NRXN3: variants seen among roughly 807,000 people sequenced by gnomAD.
NRXN3 encodes the protein neurexin 3.
NRXN3 carries 32 observed loss-of-function variants against 137.6 expected under a neutral mutation model. That is an observed-to-expected ratio of 0.23 (90% CI 0.18 to 0.31). The LOEUF (loss-of-function observed/expected upper bound fraction) is 0.31. Among genes scored for constraint, NRXN3 ranks in the 10% least tolerant of loss-of-function variants. The pLI is 1.00. For synonymous variants in NRXN3, 798 were observed against 784.5 expected (o/e 1.02, Z -0.29); for missense variants, 1,574 against 2,062.5 (o/e 0.76, Z 4.59).
intron 14 of NRXN3, 109 bp from the exon 15 acceptor site, chr14:78,987,913 G>A (rs2099510362): frequency 4.0e-6 from 5 of 1,265,802 alleles, no homozygotes; most frequent in Non-Finnish European, 5.4e-6. Flanking sequence ...GTCTTCAAAT[G>A]TTTGGGGGCA....
At chr14:78,802,442 G>A (rs530171529) in intron 8 of NRXN3, among the ~76,000 whole-genome samples, 13 of 152,270 alleles carry the variant, frequency 8.5e-5, no homozygotes, top group Admixed American at 7.2e-4. Flanking sequence ...TAAATGACGA[G>A]TCAATGGGTG....
At chr14:79,653,808 C>G (rs2098489614) in intron 16 of NRXN3, among the ~76,000 whole-genome samples, 1 of 152,130 alleles carries the variant, frequency 6.6e-6, no homozygotes, top group Admixed American at 6.6e-5. Flanking sequence ...AGAGAGAACA[C>G]CCCCACACAC....
intron 15 of NRXN3, among the ~76,000 whole-genome samples, chr14:79,466,173 G>T (rs1393257311): frequency 3.3e-5 from 5 of 152,058 alleles, no homozygotes; most frequent in African/African-American, 1.2e-4. Context: ...TCATTATCCT[G>T]TGATGTTTTT....
At chr14:79,273,590 C>A (rs963193764) in intron 15 of NRXN3, among the ~76,000 whole-genome samples, 1 of 152,064 alleles carries the variant, frequency 6.6e-6, no homozygotes, top group Admixed American at 6.6e-5. Context: ...GCCAAGATCG[C>A]GCCACTGCAC....
chr14:78,434,299 G>T (rs1220221920), intron 4 of NRXN3, among the ~76,000 whole-genome samples: 1 of 152,118 alleles, frequency 6.6e-6, no homozygotes, highest in Non-Finnish European at 1.5e-5. Flanking sequence ...GGGTTGTGAG[G>T]GAGGGATCTG....
intron 4 of NRXN3, among the ~76,000 whole-genome samples, chr14:78,624,314 A>G (rs1444197120): frequency 6.6e-6 from 1 of 152,238 alleles, no homozygotes; most frequent in Non-Finnish European, 1.5e-5. Context: ...GGATTGAGCA[A>G]CAGCCCCTCC....
At chr14:79,530,119 T>A (rs1045704133) in intron 16 of NRXN3, among the ~76,000 whole-genome samples, 4 of 152,042 alleles carry the variant, frequency 2.6e-5, no homozygotes, top group African/African-American at 9.7e-5. Flanking sequence ...CTGAGTTAGT[T>A]TTATTAGCAC....
rs148806842 is a variant in NRXN3, at chr14:79,385,823, C to G, written c.3263-81398C>G. Among the ~76,000 whole-genome samples, 1,242 of 152,134 alleles carry G rather than the reference C, an allele frequency of 8.2e-3. 12 individuals carry two copies. Among genetic ancestry groups the G allele is most frequent in the African/African-American group, 0.028 (1,175 of 41,522 alleles). ...AACATACGCGAATCAATAAATGTAACCCAGCATATAAACAGAACCAAAGAC... is the reference window on the plus strand; with the variant it reads ...AACATACGCGAATCAATAAATGTAAGCCAGCATATAAACAGAACCAAAGAC... On this transcript the variant is annotated intron_variant, in intron 15 of 20. Transcript: ENST00000335750.
chr14:79,483,761 G>C (rs1228674233), intron 16 of NRXN3, among the ~76,000 whole-genome samples: 1 of 151,910 alleles, frequency 6.6e-6, no homozygotes, highest in East Asian at 1.9e-4. Context: ...CACACAGTGG[G>C]AAATGATGCG....
intron 1 of NRXN3, among the ~76,000 whole-genome samples, chr14:78,234,401 G>A (rs569988193): frequency 3.3e-5 from 5 of 152,306 alleles, no homozygotes; most frequent in East Asian, 3.9e-4. Flanking sequence ...AAGTGCCTAC[G>A]TATGATAATT....
intron 16 of NRXN3, among the ~76,000 whole-genome samples, chr14:79,596,430 A>G (rs2097859152): frequency 6.6e-6 from 1 of 152,214 alleles, no homozygotes; most frequent in African/African-American, 2.4e-5. Context: ...TGCCTAGTAT[A>G]TAACAGGCCC....
At chr14:78,196,460 GC>G (rs1447037006) in intron 1 of NRXN3, among the ~76,000 whole-genome samples, 1 of 152,224 alleles carries the variant, frequency 6.6e-6, no homozygotes, top group African/African-American at 2.4e-5. Flanking sequence ...TGACCCCACT[GC>G]CCTTCTTGTG....
At chr14:78,540,230 G>A (rs902546122) in intron 4 of NRXN3, among the ~76,000 whole-genome samples, 2 of 152,140 alleles carry the variant, frequency 1.3e-5, no homozygotes, top group Non-Finnish European at 2.9e-5. Flanking sequence ...CATTATTATT[G>A]TGTGGGAGTC....
At chr14:79,529,747 T>C (rs749207346) in intron 16 of NRXN3, among the ~76,000 whole-genome samples, 6 of 152,218 alleles carry the variant, frequency 3.9e-5, no homozygotes, top group Non-Finnish European at 8.8e-5. Flanking sequence ...GGATGTAAAG[T>C]GGAATGAGGT....
At chr14:79,367,863 T>C (rs530305713) in intron 15 of NRXN3, among the ~76,000 whole-genome samples, 2 of 152,312 alleles carry the variant, frequency 1.3e-5, no homozygotes, top group South Asian at 4.1e-4. Flanking sequence ...AAGAAGATAA[T>C]CCCATGTTTC....
chr14:79,657,622 T>G (rs888645065), intron 16 of NRXN3, among the ~76,000 whole-genome samples: 1 of 152,208 alleles, frequency 6.6e-6, no homozygotes, highest in Non-Finnish European at 1.5e-5. Context: ...GAGTAGAGAC[T>G]AATGATCTTC....
At chr14:78,302,293 C>G (rs2076951732) in intron 4 of NRXN3, among the ~76,000 whole-genome samples, 2 of 152,170 alleles carry the variant, frequency 1.3e-5, no homozygotes, top group Admixed American at 1.3e-4. Context: ...GCTACTACCA[C>G]TACTAGAAGC....
chr14:78,726,719 A>AT (rs1454677628), intron 8 of NRXN3, among the ~76,000 whole-genome samples: 1 of 151,738 alleles, frequency 6.6e-6, no homozygotes, highest in Non-Finnish European at 1.5e-5. Flanking sequence ...GATTTTCACC[A>AT]TGTTGTCCAG....
intron 16 of NRXN3, among the ~76,000 whole-genome samples, chr14:79,520,202 C>T (rs894054691): frequency 6.6e-6 from 1 of 152,052 alleles, no homozygotes; most frequent in African/African-American, 2.4e-5. Flanking sequence ...AGATCCCTAT[C>T]GCTGATTTAT....
Sources: allele counts gnomAD v4.1 joint callset (sites outside exome capture counted in the v4.1 genomes callset), GRCh38; gene constraint gnomAD v4.1.1; transcripts MANE v1.5; gene names NCBI Gene and HGNC (gene_info 2026-07-23, HGNC 2026-07-21).